Variants in SH2D4B observed in about 807,000 individuals in gnomAD.
SH2D4B encodes the protein SH2 domain-containing protein 4B.
A neutral mutation model predicts 61.5 loss-of-function variants in SH2D4B; 45 were observed. That is an observed-to-expected ratio of 0.73 (90% CI 0.58 to 0.94). The LOEUF is 0.94. SH2D4B is among the 40% of genes least tolerant of loss of function. The probability of loss-of-function intolerance (pLI) is 0.00; values close to 1 mark genes in which losing one functional copy is unlikely to be tolerated. For missense variants in SH2D4B, 572 were observed against 574.2 expected, an observed-to-expected ratio of 1.00 and a Z score of 0.04; for synonymous variants, 224 against 220.4, an observed-to-expected ratio of 1.02 and a Z score of -0.14.
intron 1 of SH2D4B, chr10:80,540,851 T>C: frequency 1.3e-6 from 2 of 1,551,362 alleles, no homozygotes; most frequent in Non-Finnish European, 1.7e-6. Context: ...GGGCGGGAAT[T>C]GTGCGGGGAC....
At chr10:80,569,835 G>A (rs1471456738) in intron 1 of SH2D4B, among the ~76,000 whole-genome samples, 7 of 152,182 alleles carry the variant, frequency 4.6e-5, no homozygotes, top group Non-Finnish European at 1.0e-4. Context: ...TGCAGGGGCC[G>A]GGAGGTTAGG....
intron 5 of SH2D4B, 56 bp from the exon 6 acceptor site, chr10:80,609,368 C>T (rs1401105980): frequency 2.1e-5 from 33 of 1,574,912 alleles, no homozygotes; most frequent in Non-Finnish European, 2.6e-5. Context: ...CTTCCTCTCC[C>T]TCCGCTCTTT....
chr10:80,593,014 T>C (rs1322246646), intron 4 of SH2D4B, among the ~76,000 whole-genome samples: 3 of 152,166 alleles, frequency 2.0e-5, no homozygotes, highest in Admixed American at 6.5e-5. Flanking sequence ...CCACCATGCC[T>C]GGCCTGTTTC....
At position 80,604,564 on chromosome 10, in the gene SH2D4B, C is replaced by T. The variant is rs1025972638; in HGVS notation, c.860+769C>T. Among the ~76,000 whole-genome samples, 3 of 152,108 alleles carry T rather than the reference C, an allele frequency of 2.0e-5. No individual in the cohort carries two copies. In the East Asian group the frequency reaches 5.8e-4, roughly 29 times the overall value. The stretch of plus-strand genomic sequence containing the variant: ...GTAATCTGCAGAAGAGTCCAGTCAC[C>T]CCCAGATAATGAAGGGGTGTCTGAG... On this transcript the variant is annotated intron_variant, in intron 5 of 7. Transcript: ENST00000646907.
chr10:80,574,190 G>C (rs969599127), intron 3 of SH2D4B, among the ~76,000 whole-genome samples: 1 of 152,158 alleles, frequency 6.6e-6, no homozygotes, highest in Non-Finnish European at 1.5e-5. Flanking sequence ...AGGCTAGAGT[G>C]CAGTGGCACA....
At chr10:80,586,111 G>A (rs1019601399) in intron 3 of SH2D4B, among the ~76,000 whole-genome samples, 5 of 152,188 alleles carry the variant, frequency 3.3e-5, no homozygotes, top group South Asian at 2.1e-4. Context: ...CTGCCTCCCC[G>A]TGGGGCAGGG....
At position 80,582,788 on chromosome 10, in the gene SH2D4B, T is replaced by C. The variant is rs374012038; in HGVS notation, c.496-5842T>C. Among the ~76,000 whole-genome samples the C allele has an allele frequency of 5.4e-4, 82 of 152,324 alleles. No individual in the cohort carries two copies. The South Asian group carries it at 0.017, about 31-fold the overall frequency. ...CATGGGTTTCTGTGAAGCATGGGGC[T>C]CAGGCCAGGGGCCCTGCTTGCTGCA... On this transcript the variant is annotated intron_variant, in intron 3 of 7. Coordinates refer to ENST00000646907, the MANE Select transcript of SH2D4B (RefSeq NM_001388272.1).
intron 4 of SH2D4B, among the ~76,000 whole-genome samples, chr10:80,601,303 C>T (rs1444544514): frequency 6.6e-6 from 1 of 152,204 alleles, no homozygotes; most frequent in African/African-American, 2.4e-5. Context: ...TGCGAGGCTG[C>T]TGCCCCTAAG....
At chr10:80,555,831 T>C (rs188829675) in intron 1 of SH2D4B, among the ~76,000 whole-genome samples, 3 of 152,122 alleles carry the variant, frequency 2.0e-5, no homozygotes, top group Admixed American at 6.5e-5. Context: ...GAAGAAAATG[T>C]GGGTTTAAGA....
In SH2D4B at chr10:80,538,473, C is replaced by T; in HGVS notation, c.142C>T (p.Leu48=). ...RWKERETWEA[L]AQDEGLRPPK... is the part of the protein sequence containing the mutation. Reference sequence around the variant, plus strand: ...GAAGGAGCGGGAGACTTGGGAGGCCCTGGCCCAGGACGAGGGTCTCAGGCC... The same window carrying T: ...GAAGGAGCGGGAGACTTGGGAGGCCTTGGCCCAGGACGAGGGTCTCAGGCC... The change falls in exon 1 of 8, where the codon CTG becomes TTG. Residue 48 remains leucine (L), a synonymous_variant. Transcript: ENST00000646907. The surrounding 1 kb of genome is among the most constrained non-coding windows in gnomAD (Gnocchi z 4.8). The T allele has an allele frequency of 6.8e-7, 1 of 1,464,624 alleles. No homozygotes were observed. 90.7% of individuals were successfully genotyped at this position (1,464,624 alleles called of 1,614,324 possible).
At chr10:80,635,045 C>T (rs1387560936) in intron 7 of SH2D4B, among the ~76,000 whole-genome samples, 1 of 152,162 alleles carries the variant, frequency 6.6e-6, no homozygotes, top group Non-Finnish European at 1.5e-5. Context: ...CAAACGTCAG[C>T]GTCCTAGCCA....
At chr10:80,577,222 G>C (rs1207606762) in intron 3 of SH2D4B, among the ~76,000 whole-genome samples, 1 of 152,138 alleles carries the variant, frequency 6.6e-6, no homozygotes, top group Non-Finnish European at 1.5e-5. Context: ...AGAGGAAGAG[G>C]CTACATGGAG....
rs1223479861 is a variant in SH2D4B at position 80,542,341 on chromosome 10, ACACATGTC to A, written c.184+3831_184+3838del. Among the ~76,000 whole-genome samples the A allele has an allele frequency of 2.0e-5, 3 of 151,472 alleles. No individual in the cohort carries two copies. In the East Asian group the frequency reaches 5.8e-4, roughly 29 times the overall value. On this transcript the variant is annotated intron_variant, in intron 1 of 7. Coordinates refer to ENST00000646907, the MANE Select transcript of SH2D4B (RefSeq NM_001388272.1). ...GTGACCAGGGGACACAGGACTGAGG[ACACATGTC>A]CACACTACTGACCCAGGAAGCTTCC...
chr10:80,609,760 A>C (rs1047027871), intron 6 of SH2D4B, among the ~76,000 whole-genome samples: 1 of 152,178 alleles, frequency 6.6e-6, no homozygotes, highest in African/African-American at 2.4e-5. Flanking sequence ...GAAGGGATGA[A>C]CATGGCTCTC....
chr10:80,582,251 G>A (rs972983911), intron 3 of SH2D4B, among the ~76,000 whole-genome samples: 9 of 152,210 alleles, frequency 5.9e-5, no homozygotes, highest in Admixed American at 5.9e-4. Context: ...GGGAGCAGGA[G>A]GGAAACGGGG....
At chr10:80,543,095 C>A (rs540929232) in intron 1 of SH2D4B, among the ~76,000 whole-genome samples, 1 of 152,136 alleles carries the variant, frequency 6.6e-6, no homozygotes, top group Non-Finnish European at 1.5e-5. Flanking sequence ...GAGGTGACAG[C>A]GTGCTGGCTG....
intron 3 of SH2D4B, among the ~76,000 whole-genome samples, chr10:80,573,479 T>C (rs1176584643): frequency 6.6e-6 from 1 of 152,204 alleles, no homozygotes; most frequent in Non-Finnish European, 1.5e-5. Flanking sequence ...TCTTTCCTGA[T>C]TTTACTTCAA....
In SH2D4B at chr10:80,605,084, C is replaced by T. The variant is rs572338062; in HGVS notation, c.860+1289C>T. ...CTGGGATTACAGGCGTGAGCCACTG[C>T]GTCCGGCTCTGTTCTTCGTTTTTTA... On this transcript the variant is annotated intron_variant, in intron 5 of 7. Transcript: ENST00000646907. Among the ~76,000 whole-genome samples, 12 of 152,248 alleles carry T rather than the reference C, an allele frequency of 7.9e-5. No individual in the cohort carries two copies. In the South Asian group the frequency reaches 2.1e-3, roughly 26 times the overall value.
intron 4 of SH2D4B, among the ~76,000 whole-genome samples, chr10:80,590,195 C>T (rs1208090123): frequency 2.6e-5 from 4 of 152,196 alleles, no homozygotes; most frequent in African/African-American, 9.6e-5. Flanking sequence ...AGGCAGGCTT[C>T]GGATTGGCCA....
Sources: gnomAD v4.1 joint callset for allele counts (sites outside exome capture counted in the v4.1 genomes callset) on GRCh38, gnomAD v4.1.1 for gene constraint, Gnocchi (gnomAD v3.1) non-coding constraint, MANE v1.5 for transcripts, NCBI Gene and HGNC (gene_info 2026-07-23, HGNC 2026-07-21) for gene names.